Variants in DISP2 observed in about 807,000 individuals in gnomAD.
The protein encoded by DISP2 is protein dispatched homolog 2.
A neutral mutation model predicts 95.5 loss-of-function variants in DISP2; 59 were observed. The ratio of observed to expected loss-of-function variants is 0.62; its 90% CI spans 0.50 to 0.77. The LOEUF (loss-of-function observed/expected upper bound fraction) is 0.77, where lower values mean the gene tolerates loss of function less well. DISP2 is among the 30% of genes least tolerant of loss of function. DISP2 has a pLI of 0.00. For missense variants in DISP2, 1,752 were observed against 1,854.6 expected (o/e 0.94, Z 1.02); for synonymous variants, 827 against 815.0 (o/e 1.01, Z -0.25).
chr15:40,364,381 T>C (rs758849095), intron 3 of DISP2, 40 bp from the exon 4 acceptor site: 1 of 1,613,356 alleles, frequency 6.2e-7, no homozygotes, highest in Non-Finnish European at 8.5e-7. Flanking sequence ...CACCCGTTGC[T>C]ACCACACCCA....
chr15:40,362,619 C>T lies in DISP2; in HGVS notation c.120-1006C>T, dbSNP rs959862252. Among the ~76,000 whole-genome samples, 4 of 152,138 alleles carry T rather than the reference C, an allele frequency of 2.6e-5. No homozygotes were observed. In the South Asian group the frequency reaches 6.2e-4, roughly 24 times the overall value. On this transcript the variant is annotated intron_variant, in intron 1 of 7. Transcript: ENST00000267889. ...TCTATAATATAATATTCAATTGCAA[C>T]AGATGCTATGAAAAAAATATAAAGC...
chr15:40,375,961 A>T lies in DISP2; in HGVS notation c.*5643A>T, dbSNP rs1889727008. On this transcript the variant is annotated 3_prime_UTR_variant, in exon 8 of 8. Coordinates refer to ENST00000267889, the MANE Select transcript of DISP2 (RefSeq NM_033510.3). ...CTCTGGCTCCTTGCTCTGCGCTGTAAAAAACAAATAAAAGGGCCACTTGAG... is the reference window on the plus strand; with the variant it reads ...CTCTGGCTCCTTGCTCTGCGCTGTATAAAACAAATAAAAGGGCCACTTGAG... The T allele has an allele frequency of 6.6e-6, 1 of 152,166 alleles. No homozygotes were observed. The highest frequency in any genetic ancestry group is 2.4e-5 in the African/African-American group (1 of 41,400). 9.4% of individuals were successfully genotyped at this position (152,166 alleles called of 1,614,324 possible).
rs1889671530 is a variant in DISP2 at position 40,373,084 on chromosome 15, T to C, written c.*2766T>C. The C allele has an allele frequency of 6.6e-6, 1 of 152,184 alleles. No homozygotes were observed. The allele number at this position is 152,184 out of a possible 1,614,324, so 9.4% of individuals were successfully genotyped here. On this transcript the variant is annotated 3_prime_UTR_variant, in exon 8 of 8. Coordinates refer to ENST00000267889, the MANE Select transcript of DISP2 (RefSeq NM_033510.3). ...ACATCAGCAGGAAATCCAGCCTGCC[T>C]CTCTAGCCCTGACTTTGGAATGTGG...
rs148449244 is a variant in DISP2, at chr15:40,369,708, A to T, written c.3596A>T (p.His1199Leu). Residue 1199 changes from histidine to leucine, a missense_variant, in exon 8 of 8, where the codon CAT (histidine) becomes CTT (leucine). Around this residue, in one of 5 missense-constraint regions of DISP2, gnomAD observed 347 missense variants for 344.2 expected, o/e 1.01. Coordinates refer to ENST00000267889, the MANE Select transcript of DISP2 (RefSeq NM_033510.3). ...PSVLSEDLQL[H>L]DGPCCSRPPP... ...GTACTCTCTGAGGATCTGCAGCTCC[A>T]TGATGGTCCGTGCTGTTCCCGGCCC... 45 of 1,611,646 alleles carry T rather than the reference A, an allele frequency of 2.8e-5. No individual in the cohort carries two copies. The African/African-American group carries it at 5.3e-4, about 19-fold the overall frequency.
chr15:40,368,168 A>T lies in DISP2; in HGVS notation c.2056A>T (p.Thr686Ser), dbSNP rs759211970. Residue 686 changes from threonine (T) to serine (S), a missense_variant, in exon 8 of 8, where the codon ACC (threonine) becomes TCC (serine). By Grantham distance (58) the Thr-to-Ser change is moderately conservative. Transcript: ENST00000267889. The stretch of plus-strand genomic sequence containing the variant: ...CGGCCTGCGGAGGGCGGCGGCTGGC[A>T]CCTCGCGTCTGCTCTTCCAGCGCCT... ...LRGLRRAAAG[T>S]SRLLFQRLLP... The T allele has an allele frequency of 1.2e-5, 19 of 1,568,510 alleles. No individual in the cohort carries two copies. Among genetic ancestry groups the T allele is most frequent in the Non-Finnish European group, 1.6e-5 (19 of 1,163,992 alleles).
rs775256763 is a variant in DISP2 at position 40,368,265 on chromosome 15, C to G, written c.2153C>G (p.Ala718Gly). 2.8e-5 allele frequency: 45 copies of G among 1,609,124 alleles called. No individual in the cohort carries two copies. The highest frequency in any genetic ancestry group is 3.5e-5 in the Non-Finnish European group (41 of 1,178,638). Reference protein sequence around the residue: ...CWFAALAAGGAYIAGVSPRLR... With the variant: ...CWFAALAAGGGYIAGVSPRLR... ...TTCGCAGCACTGGCGGCAGGGGGCG[C>G]CTACATCGCCGGAGTCAGCCCCCGC... The change falls in exon 8 of 8, where the codon GCC (alanine) becomes GGC (glycine). Residue 718 changes from alanine to glycine, a missense_variant. By Grantham distance (60) the Ala-to-Gly change is moderately conservative. Around this residue, in one of 5 missense-constraint regions of DISP2, gnomAD observed 732 missense variants for 714.6 expected, o/e 1.02. Coordinates refer to ENST00000267889, the MANE Select transcript of DISP2 (RefSeq NM_033510.3).
chr15:40,364,156 C>T lies in DISP2; in HGVS notation c.450-70C>T, dbSNP rs374104145. The T allele has an allele frequency of 2.8e-4, 446 of 1,605,072 alleles. 2 individuals carry two copies. Among genetic ancestry groups the T allele is most frequent in the Non-Finnish European group, 3.6e-4 (420 of 1,173,336 alleles). ...CCCTCACCTACCCACTCCCACCCCA[C>T]CTCCACCCCCAACACACGCCCTCTG... On this transcript the variant is annotated intron_variant, in intron 2 of 7. Coordinates refer to ENST00000267889, the MANE Select transcript of DISP2 (RefSeq NM_033510.3).
chr15:40,367,579 G>A lies in DISP2; in HGVS notation c.1467G>A (p.Thr489=), dbSNP rs1253927261. The A allele has an allele frequency of 5.0e-6, 8 of 1,613,918 alleles. No homozygotes were observed. In the East Asian group the frequency reaches 1.1e-4, roughly 22 times the overall value. Residue 489 remains threonine (T), a synonymous_variant, in exon 8 of 8, where the codon ACG becomes ACA. Transcript: ENST00000267889. ...ELLRHFLVQD[T]VYPLLALVAI... is the part of the protein sequence containing the mutation. ...TGAGGCACTTCCTGGTCCAGGACAC[G>A]GTGTACCCCTTGCTGGCTCTGGTTG... is the stretch of plus-strand genomic sequence containing the variant.
rs115290610 is a variant in DISP2, at chr15:40,360,731, A to G, written c.119+2291A>G. Among the ~76,000 whole-genome samples the G allele has an allele frequency of 9.6e-4, 146 of 152,224 alleles. 1 individual carries two copies. The highest frequency in any genetic ancestry group is 3.4e-3 in the African/African-American group (142 of 41,532). On this transcript the variant is annotated intron_variant, in intron 1 of 7. Transcript: ENST00000267889. ...GCTTCCCCTAATGCAAAAGAAACCAACACTCCAAGTGGGGCCCTGGCTCCT... is the reference window on the plus strand; with the variant it reads ...GCTTCCCCTAATGCAAAAGAAACCAGCACTCCAAGTGGGGCCCTGGCTCCT...
In DISP2 at chr15:40,371,789, G is replaced by A. The variant is rs1889649755; in HGVS notation, c.*1471G>A. On this transcript the variant is annotated 3_prime_UTR_variant, in exon 8 of 8. Transcript: ENST00000267889. Reference sequence around the variant, plus strand: ...ACCTACTTTGCATATGGTATTACAAGGGGACAGAGGTGTGGAAGAAAAATT... The same window carrying A: ...ACCTACTTTGCATATGGTATTACAAAGGGACAGAGGTGTGGAAGAAAAATT... 1 of 152,206 alleles carries A rather than the reference G, an allele frequency of 6.6e-6. No individual in the cohort carries two copies. 9.4% of individuals were successfully genotyped at this position (152,206 alleles called of 1,614,324 possible). A position where few individuals can be genotyped will look rare whatever the true frequency, so the allele number is the denominator to read the frequency against.
At position 40,370,346 on chromosome 15, in the gene DISP2, G is replaced by A. The variant is rs774554295; in HGVS notation, c.*28G>A. On this transcript the variant is annotated 3_prime_UTR_variant, in exon 8 of 8. Coordinates refer to ENST00000267889, the MANE Select transcript of DISP2 (RefSeq NM_033510.3). Reference sequence around the variant, plus strand: ...GGGACCCGGGGAGGCTGGACAGGGCGCGGAACCCTGTCATGGATGACAAGG... The same window carrying A: ...GGGACCCGGGGAGGCTGGACAGGGCACGGAACCCTGTCATGGATGACAAGG... 4.9e-5 allele frequency: 74 copies of A among 1,513,334 alleles called. No individual in the cohort carries two copies. The highest frequency in any genetic ancestry group is 1.7e-4 in the Admixed American group (8 of 46,120). 93.7% of individuals were successfully genotyped at this position (1,513,334 alleles called of 1,614,324 possible).
In DISP2 at chr15:40,370,327, C is replaced by A; in HGVS notation, c.*9C>A. On this transcript the variant is annotated 3_prime_UTR_variant, in exon 8 of 8. Transcript: ENST00000267889. ...CAGGCTATAGCAGCTGAGGGGGACC[C>A]GGGGAGGCTGGACAGGGCGCGGAAC... The A allele has an allele frequency of 6.6e-7, 1 of 1,519,946 alleles. No individual in the cohort carries two copies. The highest frequency in any genetic ancestry group is 8.8e-7 in the Non-Finnish European group (1 of 1,134,206). 94.2% of individuals were successfully genotyped at this position (1,519,946 alleles called of 1,614,324 possible).
chr15:40,360,384 C>T (rs1205653854), intron 1 of DISP2, among the ~76,000 whole-genome samples: 2 of 152,134 alleles, frequency 1.3e-5, no homozygotes, highest in Non-Finnish European at 2.9e-5. Flanking sequence ...GTCGGTTTTT[C>T]TCATGGGAGT....
Position 40,367,900 on chromosome 15 carries a change from C to A in DISP2, c.1788C>A (p.Ser596=), listed in dbSNP as rs773174781. 3 of 1,598,022 alleles carry A rather than the reference C, an allele frequency of 1.9e-6. No individual in the cohort carries two copies. The highest frequency in any genetic ancestry group is 1.7e-5 in the Admixed American group (1 of 59,876). Residue 596 remains serine, a synonymous_variant, in exon 8 of 8, where the codon TCC becomes TCA. Transcript: ENST00000267889. ...ACTTCGGCTACCTGCTGCTGGTCTCCGGCCTCACCACGAGCGCGGCCTTCT... is the reference window on the plus strand; with the variant it reads ...ACTTCGGCTACCTGCTGCTGGTCTCAGGCCTCACCACGAGCGCGGCCTTCT... The part of the protein sequence containing the change: ...MHHFGYLLLV[S]GLTTSAAFYA...
rs1043152280 is a variant in DISP2, at chr15:40,376,060, C to T, written c.*5742C>T. 1 of 152,044 alleles carries T rather than the reference C, an allele frequency of 6.6e-6. No individual in the cohort carries two copies. The highest frequency in any genetic ancestry group is 2.4e-5 in the African/African-American group (1 of 41,408). 9.4% of individuals were successfully genotyped at this position (152,044 alleles called of 1,614,324 possible). A position where few individuals can be genotyped will look rare whatever the true frequency, so the allele number is the denominator to read the frequency against. On this transcript the variant is annotated 3_prime_UTR_variant, in exon 8 of 8. Transcript: ENST00000267889. The stretch of plus-strand genomic sequence containing the variant: ...CTTTGAGAAAGTTCACAGGGGCAGC[C>T]CTGTGGCTCAGTTCTGTGCCTTCTT...
At position 40,368,287 on chromosome 15, in the gene DISP2, C is replaced by T; in HGVS notation, c.2175C>T (p.Pro725=). ...GCGCCTACATCGCCGGAGTCAGCCC[C>T]CGCCTGCGGCTGCCCACGCTGCCGC... The part of the protein sequence containing the change: ...AGGAYIAGVS[P]RLRLPTLPPP... Residue 725 remains proline, a synonymous_variant, in exon 8 of 8, where the codon CCC becomes CCT. Transcript: ENST00000267889. 1 of 1,606,880 alleles carries T rather than the reference C, an allele frequency of 6.2e-7. No homozygotes were observed. The highest frequency in any genetic ancestry group is 8.5e-7 in the Non-Finnish European group (1 of 1,177,502).
At position 40,368,954 on chromosome 15, in the gene DISP2, A is replaced by G. The variant is rs1323129679; in HGVS notation, c.2842A>G (p.Thr948Ala). Residue 948 changes from threonine (T) to alanine (A), a missense_variant, in exon 8 of 8, where the codon ACT becomes GCT. Thr to Ala is a moderately conservative substitution (Grantham distance 58). Transcript: ENST00000267889. ...TCCAGGCCTCCGCCGTGGTTGGTTC[A>G]CTAGCCGTCTAGAGCTGTATAGCCT... Reference protein sequence around the residue: ...APPGLRRGWFTSRLELYSLQH... With the variant: ...APPGLRRGWFASRLELYSLQH... 1.2e-6 allele frequency: 2 copies of G among 1,613,958 alleles called. No individual in the cohort carries two copies. The highest frequency in any genetic ancestry group is 1.1e-5 in the South Asian group (1 of 91,090).
intron 2 of DISP2, 57 bp from the exon 3 acceptor site, chr15:40,364,169 C>A: frequency 1.2e-6 from 2 of 1,607,602 alleles, no homozygotes; most frequent in South Asian, 1.1e-5. Context: ...CCACCCCCAA[C>A]ACACGCCCTC....
chr15:40,367,651 G>A lies in DISP2; in HGVS notation c.1539G>A (p.Thr513=), dbSNP rs371928290. ...MALYLRSLFL[T]LMVLLGVLGS... ...TGTACCTGCGCTCACTCTTCCTCAC[G>A]CTCATGGTGCTGCTGGGGGTGCTGG... The change falls in exon 8 of 8, where the codon ACG becomes ACA. Residue 513 remains threonine, a synonymous_variant. Coordinates refer to ENST00000267889, the MANE Select transcript of DISP2 (RefSeq NM_033510.3). 12 of 1,613,812 alleles carry A rather than the reference G, an allele frequency of 7.4e-6. No individual in the cohort carries two copies. The highest frequency in any genetic ancestry group is 5.3e-5 in the African/African-American group (4 of 74,874).
Sources: allele counts gnomAD v4.1 joint callset (sites outside exome capture counted in the v4.1 genomes callset), GRCh38; gene constraint gnomAD v4.1.1; regional missense constraint gnomAD v4.1.1; transcripts MANE v1.5; gene names NCBI Gene and HGNC (gene_info 2026-07-23, HGNC 2026-07-21).